The following CPA6 variants were observed in gnomAD, a reference collection of about 807,000 sequenced individuals.
The protein encoded by CPA6 is carboxypeptidase B.
A neutral mutation model predicts 63.3 loss-of-function variants in CPA6; 58 were observed. That is an observed-to-expected ratio of 0.92 (90% CI 0.74 to 1.14). The LOEUF (loss-of-function observed/expected upper bound fraction) is 1.14. Among genes scored for constraint, CPA6 ranks in the 50% most tolerant of loss-of-function variants. The probability of loss-of-function intolerance (pLI) is 0.00; values close to 1 mark genes in which losing one functional copy is unlikely to be tolerated. For synonymous variants in CPA6, 185 were observed against 179.0 expected (o/e 1.03, Z -0.27); for missense variants, 565 against 526.6 (o/e 1.07, Z -0.71).
intron 2 of CPA6, among the ~76,000 whole-genome samples, chr8:67,528,499 C>T (rs932116506): frequency 1.3e-5 from 2 of 152,114 alleles, no homozygotes; most frequent in African/African-American, 4.8e-5. Context: ...CCATCATTTC[C>T]CCTAGGACTC....
chr8:67,655,160 G>A (rs1375684942), intron 1 of CPA6, among the ~76,000 whole-genome samples: 1 of 151,988 alleles, frequency 6.6e-6, no homozygotes, highest in Non-Finnish European at 1.5e-5. Flanking sequence ...GTTATAACAG[G>A]GATTCTTACT....
intron 1 of CPA6, among the ~76,000 whole-genome samples, chr8:67,720,523 A>C (rs1817475632): frequency 6.6e-6 from 1 of 152,146 alleles, no homozygotes; most frequent in Admixed American, 6.5e-5. Flanking sequence ...GCTCACAGAC[A>C]CTGAGCTCCG....
chr8:67,441,206 C>T (rs1420009977), intron 8 of CPA6, among the ~76,000 whole-genome samples: 1 of 152,180 alleles, frequency 6.6e-6, no homozygotes, highest in Non-Finnish European at 1.5e-5. Context: ...TGTAATTCTA[C>T]TCTTGGCAAT....
chr8:67,652,339 A>T, intron 1 of CPA6, among the ~76,000 whole-genome samples: 1 of 152,186 alleles, frequency 6.6e-6, no homozygotes, highest in Non-Finnish European at 1.5e-5. Flanking sequence ...CAATGGTTGA[A>T]CTAGTTTACA....
intron 1 of CPA6, among the ~76,000 whole-genome samples, chr8:67,653,477 C>G (rs1387629722): frequency 6.6e-6 from 1 of 150,730 alleles, no homozygotes; most frequent in African/African-American, 2.4e-5. Flanking sequence ...AAGTTGGATT[C>G]CTAGGTATTT....
chr8:67,572,101 A>G (rs1307334054), intron 2 of CPA6, among the ~76,000 whole-genome samples: 1 of 152,238 alleles, frequency 6.6e-6, no homozygotes, highest in South Asian at 2.1e-4. Flanking sequence ...ATTCCTAAAC[A>G]TATACAACCT....
intron 6 of CPA6, 31 bp downstream of exon 6, chr8:67,506,756 A>G: frequency 7.0e-7 from 1 of 1,428,648 alleles, no homozygotes; most frequent in Non-Finnish European, 9.9e-7. Context: ...TGACTAGCTG[A>G]AATGGACATT....
At chr8:67,549,776 T>C (rs1187450871) in intron 2 of CPA6, among the ~76,000 whole-genome samples, 1 of 152,244 alleles carries the variant, frequency 6.6e-6, no homozygotes, top group Non-Finnish European at 1.5e-5. Context: ...TAGCATAATG[T>C]CCTCAGTGTT....
In CPA6 at chr8:67,602,589, G is replaced by T. The variant is rs140084455; in HGVS notation, c.192+21587C>A. On this transcript the variant is annotated intron_variant, in intron 2 of 10. Transcript: ENST00000297770. ...AACAAAAGCTGATGTCTACTAAAAGGCTTCCTTCCTGTCCCTCATATCTCA... is the reference window on the plus strand; with the variant it reads ...AACAAAAGCTGATGTCTACTAAAAGTCTTCCTTCCTGTCCCTCATATCTCA... Among the ~76,000 whole-genome samples the T allele has an allele frequency of 2.6e-3, 403 of 152,208 alleles. 4 individuals carry two copies. The highest frequency in any genetic ancestry group is 0.024 in the Middle Eastern group (7 of 294).
rs1564021192 is a variant in CPA6 at position 67,607,156 on chromosome 8, CTTCTTCTTCTT to C, written c.192+17009_192+17019del. ...TCCTCCCCCTCCTCCCCCCCCTCCT[CTTCTTCTTCTT>C]CCTCTTCTTCTTCTTCTTCTTCTTC... On this transcript the variant is annotated intron_variant, in intron 2 of 10. Transcript: ENST00000297770. 1.7e-4 allele frequency among the ~76,000 whole-genome samples: 17 copies of C among 97,782 alleles called. 2 individuals are homozygous for C. Among genetic ancestry groups the C allele is most frequent in the African/African-American group, 7.1e-4 (16 of 22,426 alleles). The allele number at this position is 97,782 out of a possible 152,430, so 64.1% of individuals were successfully genotyped here.
chr8:67,519,043 C>A (rs79229821), intron 2 of CPA6, among the ~76,000 whole-genome samples: 1 of 152,304 alleles, frequency 6.6e-6, no homozygotes, highest in East Asian at 1.9e-4. Context: ...TGGTTACCAC[C>A]CATCCTGGAA....
chr8:67,713,099 G>GTGTGTGTGTGTGTGTGTATA (rs1328463977), intron 1 of CPA6, among the ~76,000 whole-genome samples: 1 of 55,026 alleles, frequency 1.8e-5, no homozygotes, highest in African/African-American at 7.4e-5. Context: ...GTGTGTGTGT[G>GTGTGTGTGTGTGTGTGTATA]TATATATATA....
intron 6 of CPA6, among the ~76,000 whole-genome samples, chr8:67,502,594 C>T (rs1811850228): frequency 6.6e-6 from 1 of 152,110 alleles, no homozygotes. Flanking sequence ...GACTTTTCGT[C>T]TTTTCTAACA....
At chr8:67,449,694 G>A (rs978383879) in intron 8 of CPA6, among the ~76,000 whole-genome samples, 1 of 151,976 alleles carries the variant, frequency 6.6e-6, no homozygotes, top group Non-Finnish European at 1.5e-5. Context: ...TTCTCAGAAC[G>A]GTGAGGTAGA....
At chr8:67,430,171 G>A (rs532292942) in intron 9 of CPA6, among the ~76,000 whole-genome samples, 2,267 of 104,712 alleles carry the variant, frequency 0.022, 12 homozygotes, top group Non-Finnish European at 0.028. Flanking sequence ...GTGTGTGTGT[G>A]TATATATTTT....
rs759038601 is a variant in CPA6 at position 67,428,090 on chromosome 8, T to C, written c.1083A>G (p.Val361=). The C allele has an allele frequency of 3.7e-6, 6 of 1,613,438 alleles. No homozygotes were observed. The African/African-American group carries it at 4.0e-5, about 11-fold the overall frequency. ...GTCCATATCTGTATCGTACCCCGTATACTGACTGAAGTGCATTCACAGCTT... is the reference window on the plus strand; with the variant it reads ...GTCCATATCTGTATCGTACCCCGTACACTGACTGAAGTGCATTCACAGCTT... ...AYKAVNALQS[V]YGVRYRYGPA... Residue 361 remains valine, a synonymous_variant, in exon 10 of 11, where the codon GTA becomes GTG. Transcript: ENST00000297770.
intron 2 of CPA6, among the ~76,000 whole-genome samples, chr8:67,594,467 C>G (rs1330424275): frequency 1.8e-4 from 27 of 152,152 alleles, no homozygotes; most frequent in Non-Finnish European, 1.5e-5. Flanking sequence ...TGGATAATAT[C>G]CTGCAGAGTG....
At chr8:67,430,775 C>T (rs1024197303) in intron 9 of CPA6, among the ~76,000 whole-genome samples, 1 of 152,126 alleles carries the variant, frequency 6.6e-6, no homozygotes, top group Admixed American at 6.5e-5. Context: ...CTGCTAGATG[C>T]CAGTAGCATC....
At chr8:67,682,116 G>GT (rs1432495936) in intron 1 of CPA6, among the ~76,000 whole-genome samples, 5 of 150,092 alleles carry the variant, frequency 3.3e-5, no homozygotes, top group East Asian at 4.0e-4. Context: ...GGACCTTAGT[G>GT]TTTTTTTTCA....
Sources: allele counts gnomAD v4.1 joint callset (sites outside exome capture counted in the v4.1 genomes callset), GRCh38; gene constraint gnomAD v4.1.1; transcripts MANE v1.5; gene names NCBI Gene and HGNC (gene_info 2026-07-23, HGNC 2026-07-21).